The following ATR variants were observed in gnomAD, a reference collection of about 807,000 sequenced individuals.
ATR encodes ATR checkpoint kinase, also known as serine/threonine-protein kinase ATR.
In ATR, 142 loss-of-function variants were observed where a neutral mutation model predicts 305.3. The ratio of observed to expected loss-of-function variants is 0.47; its 90% CI spans 0.41 to 0.53. The LOEUF is 0.53. Among genes scored for constraint, ATR ranks in the 20% least tolerant of loss-of-function variants. ATR has a pLI of 0.00. For synonymous variants in ATR, 1,050 were observed against 1,068.1 expected (o/e 0.98, Z 0.33); for missense variants, 2,135 against 3,133.1 (o/e 0.68, Z 7.60).
chr3:142,551,115 A>G (rs886695272), intron 13 of ATR, among the ~76,000 whole-genome samples: 21 of 152,108 alleles, frequency 1.4e-4, no homozygotes, highest in African/African-American at 5.1e-4. Context: ...AGCAAGCACA[A>G]TGCTTTCTTT....
chr3:142,538,439 G>A (rs779063707), intron 19 of ATR, 43 bp downstream of exon 19: 47 of 1,581,984 alleles, frequency 3.0e-5, no homozygotes, highest in Non-Finnish European at 4.1e-5. Flanking sequence ...TAAAAATACA[G>A]TTTAAAAAGT....
intron 30 of ATR, among the ~76,000 whole-genome samples, chr3:142,501,856 T>C (rs1030810536): frequency 6.6e-6 from 1 of 152,172 alleles, no homozygotes; most frequent in African/African-American, 2.4e-5. Context: ...GCAATTCTCC[T>C]GCCTCAGTCT....
intron 24 of ATR, among the ~76,000 whole-genome samples, chr3:142,519,370 C>T (rs1012475980): frequency 2.0e-5 from 3 of 151,546 alleles, no homozygotes; most frequent in Non-Finnish European, 2.9e-5. Flanking sequence ...GGCACAATCT[C>T]GGCTCACTGC....
At chr3:142,546,546 C>G (rs1472946577) in intron 16 of ATR, among the ~76,000 whole-genome samples, 1 of 151,708 alleles carries the variant, frequency 6.6e-6, no homozygotes, top group East Asian at 1.9e-4. Flanking sequence ...AGAAAAAGAT[C>G]AAAGAAGATC....
intron 22 of ATR, among the ~76,000 whole-genome samples, chr3:142,523,086 A>G (rs137890920): frequency 4.8e-4 from 73 of 152,306 alleles, no homozygotes; most frequent in African/African-American, 1.6e-3. Flanking sequence ...CAACTTTTGC[A>G]TATCTCTGAC....
In ATR at chr3:142,522,714, A is replaced by C; in HGVS notation, c.4266+14T>G. 1 of 1,579,052 alleles carries C rather than the reference A, an allele frequency of 6.3e-7. No homozygotes were observed. Among genetic ancestry groups the C allele is most frequent in the Non-Finnish European group, 8.7e-7 (1 of 1,148,218 alleles). ...AAACAATTTAAAGCCAGTAATGACT[A>C]TATCCACTCTTACCTGAATGGCATA... is the stretch of plus-strand genomic sequence containing the variant. On this transcript the variant is annotated intron_variant, in intron 23 of 46. Coordinates refer to ENST00000350721, the MANE Select transcript of ATR (RefSeq NM_001184.4).
At chr3:142,486,359 T>C (rs964734131) in intron 35 of ATR, among the ~76,000 whole-genome samples, 2 of 152,180 alleles carry the variant, frequency 1.3e-5, no homozygotes, top group Non-Finnish European at 2.9e-5. Context: ...TTCATGTACC[T>C]AATCAGCCAC....
Position 142,515,462 on chromosome 3 carries a change from T to C in ATR, c.4436A>G (p.Tyr1479Cys). ...TDWSGVKKPIYLSKLGSNFAE... is the reference protein window; with the variant it reads ...TDWSGVKKPICLSKLGSNFAE... ...AAAGTTACTACCCAATTTACTTAAG[T>C]AAATTGGCTTCTTTACTCCAGACCA... Residue 1479 changes from tyrosine (Y) to cysteine (C), a missense_variant, in exon 25 of 47, where the codon TAC becomes TGC. Physicochemically the swap from Tyr to Cys is radical, Grantham distance 194. Coordinates refer to ENST00000350721, the MANE Select transcript of ATR (RefSeq NM_001184.4). 1 of 1,613,274 alleles carries C rather than the reference T, an allele frequency of 6.2e-7. No homozygotes were observed.
chr3:142,514,783 G>A (rs1198942088), intron 25 of ATR, among the ~76,000 whole-genome samples: 1 of 142,768 alleles, frequency 7.0e-6, no homozygotes, highest in Non-Finnish European at 1.5e-5. Context: ...ACTCCGGCTG[G>A]GTGGCAAGAG....
chr3:142,501,907 G>T (rs1207262781), intron 30 of ATR, among the ~76,000 whole-genome samples: 2 of 152,054 alleles, frequency 1.3e-5, no homozygotes, highest in East Asian at 3.9e-4. Context: ...ATCACGCCCA[G>T]CTAATTTTTG....
At position 142,451,289 on chromosome 3, in the gene ATR, G is replaced by A. The variant is rs944955386; in HGVS notation, c.7762-1687C>T. 2.4e-6 allele frequency: 3 copies of A among 1,231,428 alleles called. No homozygotes were observed. In the Admixed American group the frequency reaches 9.9e-5, roughly 41 times the overall value. 76.3% of individuals were successfully genotyped at this position (1,231,428 alleles called of 1,614,324 possible). On this transcript the variant is annotated intron_variant, in intron 46 of 46. Coordinates refer to ENST00000350721, the MANE Select transcript of ATR (RefSeq NM_001184.4). ...AGCTGAGAGAAACAAACAGGGCCAA[G>A]AGTGTGTGGGCAAGTTTGCCTGTCC...
intron 39 of ATR, 100 bp from the exon 40 acceptor site, chr3:142,466,633 T>A: frequency 8.9e-7 from 1 of 1,126,338 alleles, no homozygotes; most frequent in Non-Finnish European, 1.3e-6. Flanking sequence ...GGTTCAGCAG[T>A]CTGTGGTTTT....
At chr3:142,542,033 C>T (rs554775084) in intron 17 of ATR, among the ~76,000 whole-genome samples, 3 of 152,030 alleles carry the variant, frequency 2.0e-5, no homozygotes, top group East Asian at 3.9e-4. Flanking sequence ...ATTTATAGGA[C>T]GAAAATTTCC....
chr3:142,509,661 A>G (rs2032445762), intron 27 of ATR, among the ~76,000 whole-genome samples: 1 of 147,850 alleles, frequency 6.8e-6, no homozygotes. Context: ...GGCTCAAGCA[A>G]TCCCCACACT....
At chr3:142,452,657 G>C (rs570123696) in intron 46 of ATR, 4 of 1,005,304 alleles carry the variant, frequency 4.0e-6, no homozygotes, top group South Asian at 6.6e-5. Flanking sequence ...CTGGATGACA[G>C]AGCGAGACTC....
rs2031600486 is a variant in ATR at position 142,496,281 on chromosome 3, TATATATATATATATATATATATA to T, written c.5898+57_5898+79del. On this transcript the variant is annotated intron_variant, in intron 34 of 46. Transcript: ENST00000350721. ...TAAGGAAGTACATAATTCCCGACTA[TATATATATATATATATATATATA>T]TATATATATATATATATATATATAT... 2.3e-3 allele frequency: 165 copies of T among 72,564 alleles called. 23 individuals are homozygous for T. The East Asian group carries it at 0.051, about 22-fold the overall frequency. The allele number at this position is 72,564 out of a possible 1,614,324, so 4.5% of individuals were successfully genotyped here.
intron 24 of ATR, 134 bp downstream of exon 24, chr3:142,519,535 C>T (rs1377989600): frequency 6.1e-6 from 4 of 658,312 alleles, no homozygotes; most frequent in South Asian, 3.7e-5. Context: ...CTCCTGACCT[C>T]GTGATCCGCC....
Position 142,468,145 on chromosome 3 carries a change from A to G in ATR, c.6553-77T>C, listed in dbSNP as rs968906197. 21 of 1,521,480 alleles carry G rather than the reference A, an allele frequency of 1.4e-5. No homozygotes were observed. In the Admixed American group the frequency reaches 3.6e-4, roughly 26 times the overall value. 94.2% of individuals were successfully genotyped at this position (1,521,480 alleles called of 1,614,324 possible). On this transcript the variant is annotated intron_variant, in intron 38 of 46. Coordinates refer to ENST00000350721, the MANE Select transcript of ATR (RefSeq NM_001184.4). ...TAAAAGATAAATTTTTTGCTTGACAAAAAACTTAAAAAGTATTCATGATGA... is the reference window on the plus strand; with the variant it reads ...TAAAAGATAAATTTTTTGCTTGACAGAAAACTTAAAAAGTATTCATGATGA...
Position 142,466,340 on chromosome 3 carries a change from G to C in ATR, c.6881C>G (p.Ala2294Gly). 6.2e-7 allele frequency: 1 copy of C among 1,613,572 alleles called. No homozygotes were observed. The highest frequency in any genetic ancestry group is 8.5e-7 in the Non-Finnish European group (1 of 1,179,648). The change falls in exon 40 of 47, where the codon GCA becomes GGA. Residue 2294 changes from alanine (A) to glycine (G), a missense_variant. Physicochemically the swap from Ala to Gly is moderately conservative, Grantham distance 60. Transcript: ENST00000350721. ...EPFPGHWAYIAGFDDMVEILA... is the reference protein window; with the variant it reads ...EPFPGHWAYIGGFDDMVEILA... ...GAAGTTTACCATATCATCAAACCCT[G>C]CAATATAGGCCCAATGTCCAGGAAA...
Sources: allele counts gnomAD v4.1 joint callset (sites outside exome capture counted in the v4.1 genomes callset), GRCh38; gene constraint gnomAD v4.1.1; transcripts MANE v1.5; gene names NCBI Gene and HGNC (gene_info 2026-07-23, HGNC 2026-07-21).